Variants in RGS17 observed in about 807,000 individuals in gnomAD.
The protein encoded by RGS17 is regulator of G protein signaling 17.
Under a neutral mutation model 25.5 loss-of-function variants are expected in RGS17, and 12 were observed. The observed-to-expected ratio is 0.47, with a 90% CI of 0.30 to 0.76. RGS17 has a LOEUF of 0.76. RGS17 is among the 30% of genes least tolerant of loss of function. The pLI is 0.07. For missense variants in RGS17, 196 were observed against 242.2 expected, an observed-to-expected ratio of 0.81 and a Z score of 1.27; for synonymous variants, 71 against 76.9, an observed-to-expected ratio of 0.92 and a Z score of 0.40.
At chr6:153,028,580 A>C (rs560589458) in intron 2 of RGS17, among the ~76,000 whole-genome samples, 1 of 152,270 alleles carries the variant, frequency 6.6e-6, no homozygotes, top group East Asian at 1.9e-4. Flanking sequence ...ATGTATTTCC[A>C]GTCATGATGG....
At chr6:153,103,405 G>A (rs1212629197) in intron 1 of RGS17, among the ~76,000 whole-genome samples, 1 of 152,192 alleles carries the variant, frequency 6.6e-6, no homozygotes, top group African/African-American at 2.4e-5. Context: ...GGTGGAGGAT[G>A]CTGTTGTGAG....
At chr6:153,017,566 C>T (rs1779197462) in intron 4 of RGS17, among the ~76,000 whole-genome samples, 1 of 152,016 alleles carries the variant, frequency 6.6e-6, no homozygotes, top group African/African-American at 2.4e-5. Context: ...AACTTTTCAC[C>T]CTGCCTTTTT....
chr6:153,011,779 G>T lies in RGS17; in HGVS notation c.445-17C>A. 6.5e-7 allele frequency: 1 copy of T among 1,528,510 alleles called. No individual in the cohort carries two copies. The highest frequency in any genetic ancestry group is 1.2e-5 in the South Asian group (1 of 82,228). 94.7% of individuals were successfully genotyped at this position (1,528,510 alleles called of 1,614,324 possible). A position where few individuals can be genotyped will look rare whatever the true frequency, so the allele number is the denominator to read the frequency against. On this transcript the variant is annotated splice_polypyrimidine_tract_variant and intron_variant, in intron 4 of 4. Transcript: ENST00000206262. ...AAGACTGACCTAAAAAGAAACAAGA[G>T]CAAATACATTAAATAATATTTTTTT...
intron 1 of RGS17, among the ~76,000 whole-genome samples, chr6:153,123,508 C>T (rs780220247): frequency 3.3e-5 from 5 of 152,124 alleles, no homozygotes; most frequent in Non-Finnish European, 5.9e-5. Flanking sequence ...ATAAATCATA[C>T]AAAATCTTTC....
intron 1 of RGS17, among the ~76,000 whole-genome samples, chr6:153,082,199 C>T (rs1428221916): frequency 1.3e-5 from 2 of 152,074 alleles, no homozygotes; most frequent in Admixed American, 6.6e-5. Context: ...TGTATATTGG[C>T]GTGGTTTATC....
rs1779115241 is a variant in RGS17 at position 153,010,109 on chromosome 6, T to C, written c.*1465A>G. 6.6e-6 allele frequency: 1 copy of C among 151,906 alleles called. No individual in the cohort carries two copies. Among genetic ancestry groups the C allele is most frequent in the Admixed American group, 6.6e-5 (1 of 15,250 alleles). The allele number at this position is 151,906 out of a possible 1,614,324, so 9.4% of individuals were successfully genotyped here. A position where few individuals can be genotyped will look rare whatever the true frequency, so the allele number is the denominator to read the frequency against. On this transcript the variant is annotated 3_prime_UTR_variant, in exon 5 of 5. Transcript: ENST00000206262. ...CTTAATATAAGGCCAGTGTTCTCAG[T>C]GGATATAAATCTTTTTAAAACTTTC...
intron 2 of RGS17, among the ~76,000 whole-genome samples, chr6:153,034,507 A>C (rs1482225023): frequency 6.6e-6 from 1 of 152,226 alleles, no homozygotes; most frequent in Non-Finnish European, 1.5e-5. Flanking sequence ...GTAAAGGGAC[A>C]GAAATAATAC....
intron 4 of RGS17, among the ~76,000 whole-genome samples, chr6:153,023,677 T>G (rs1394828521): frequency 6.6e-6 from 1 of 152,190 alleles, no homozygotes; most frequent in East Asian, 1.9e-4. Flanking sequence ...CACCTAAGAA[T>G]ATTAGTGGTC....
intron 1 of RGS17, among the ~76,000 whole-genome samples, chr6:153,068,639 G>A (rs2129116569): frequency 6.6e-6 from 1 of 152,180 alleles, no homozygotes; most frequent in South Asian, 2.1e-4. Flanking sequence ...CCACAACAAA[G>A]GAAACAATCA....
chr6:153,078,063 G>A (rs1776912356), intron 1 of RGS17, among the ~76,000 whole-genome samples: 1 of 152,004 alleles, frequency 6.6e-6, no homozygotes, highest in African/African-American at 2.4e-5. Flanking sequence ...TAGTGGAGAA[G>A]GCGATTCACA....
chr6:153,064,693 CTTTA>C (rs1228213130), intron 1 of RGS17, among the ~76,000 whole-genome samples: 3 of 151,634 alleles, frequency 2.0e-5, no homozygotes, highest in African/African-American at 7.3e-5. Context: ...CATTTTGCTT[CTTTA>C]TTTGTTTATG....
chr6:153,076,129 G>A (rs1240485977), intron 1 of RGS17, among the ~76,000 whole-genome samples: 1 of 152,030 alleles, frequency 6.6e-6, no homozygotes, highest in Non-Finnish European at 1.5e-5. Context: ...ACTATACATG[G>A]AAGAATCCAT....
At chr6:153,023,414 A>G (rs770156683) in intron 4 of RGS17, 1 of 505,452 alleles carries the variant, frequency 2.0e-6, no homozygotes, top group Non-Finnish European at 4.0e-6. Flanking sequence ...AAGTGCTTTG[A>G]AGCCCTCTGG....
rs199862386 is a variant in RGS17, at chr6:153,053,985, G to GTA, written c.-25-9944_-25-9943dup. Among the ~76,000 whole-genome samples the GTA allele has an allele frequency of 1.4e-3, 36 of 26,234 alleles. 7 individuals carry two copies. The highest frequency in any genetic ancestry group is 4.8e-3 in the African/African-American group (22 of 4,562). 17.2% of individuals were successfully genotyped at this position (26,234 alleles called of 152,430 possible). A position where few individuals can be genotyped will look rare whatever the true frequency, so the allele number is the denominator to read the frequency against. On this transcript the variant is annotated intron_variant, in intron 1 of 4. Transcript: ENST00000206262. The stretch of plus-strand genomic sequence containing the variant: ...ATTATATACATATATATGTATATAT[G>GTA]TATATAATATATATACATATATACG...
chr6:153,058,233 T>G (rs757626448), intron 1 of RGS17, among the ~76,000 whole-genome samples: 1 of 152,172 alleles, frequency 6.6e-6, no homozygotes, highest in Non-Finnish European at 1.5e-5. Flanking sequence ...AAAAAGTTAG[T>G]GTGGTTCAGT....
intron 2 of RGS17, among the ~76,000 whole-genome samples, chr6:153,037,785 A>C (rs2129109214): frequency 6.6e-6 from 1 of 152,336 alleles, no homozygotes; most frequent in East Asian, 1.9e-4. Context: ...GCCTGGCAGC[A>C]ATGACCAATA....
At chr6:153,039,582 C>T (rs969691920) in intron 2 of RGS17, among the ~76,000 whole-genome samples, 5 of 152,206 alleles carry the variant, frequency 3.3e-5, no homozygotes, top group Non-Finnish European at 2.9e-5. Context: ...CCCACAGAAG[C>T]GTCAGTATTA....
chr6:153,081,090 C>T (rs943105353), intron 1 of RGS17, among the ~76,000 whole-genome samples: 1 of 151,984 alleles, frequency 6.6e-6, no homozygotes, highest in East Asian at 1.9e-4. Flanking sequence ...CATTTGGATG[C>T]AGTGTTTTAT....
chr6:153,087,312 T>C (rs1049876282), intron 1 of RGS17, among the ~76,000 whole-genome samples: 5 of 152,154 alleles, frequency 3.3e-5, no homozygotes, highest in African/African-American at 2.4e-5. Flanking sequence ...AAATGTGTAC[T>C]GGAGATGATG....
Sources: gnomAD v4.1 joint callset for allele counts (sites outside exome capture counted in the v4.1 genomes callset) on GRCh38, gnomAD v4.1.1 for gene constraint, MANE v1.5 for transcripts, NCBI Gene and HGNC (gene_info 2026-07-23, HGNC 2026-07-21) for gene names.